The following PARD3B variants were observed in gnomAD, a reference collection of about 807,000 sequenced individuals.
PARD3B encodes the protein partitioning defective 3 homolog B.
PARD3B carries 103 observed loss-of-function variants against 130.2 expected under a neutral mutation model. The ratio of observed to expected loss-of-function variants is 0.79; its 90% confidence interval spans 0.67 to 0.93. PARD3B has a LOEUF of 0.93. Among genes scored for constraint, PARD3B ranks in the 40% least tolerant of loss-of-function variants. The probability of loss-of-function intolerance (pLI) is 0.00; values close to 1 mark genes in which losing one functional copy is unlikely to be tolerated. For synonymous variants in PARD3B, 583 were observed against 553.2 expected (o/e 1.05, Z -0.76); for missense variants, 1,609 against 1,499.2 (o/e 1.07, Z -1.21).
intron 20 of PARD3B, among the ~76,000 whole-genome samples, chr2:205,490,889 C>G (rs931246418): frequency 1.3e-5 from 2 of 152,160 alleles, no homozygotes; most frequent in Non-Finnish European, 2.9e-5. Context: ...TTTCATGTGT[C>G]TTTTGGCTGA....
At chr2:205,320,097 T>G (rs2042697377) in intron 18 of PARD3B, among the ~76,000 whole-genome samples, 1 of 148,554 alleles carries the variant, frequency 6.7e-6, no homozygotes, top group African/African-American at 2.5e-5. Context: ...ACCCGGGAGA[T>G]AGAGGTTACC....
rs550872340 is a variant in PARD3B at position 205,142,322 on chromosome 2, A to G, written c.1435-16400A>G. 4.6e-5 allele frequency among the ~76,000 whole-genome samples: 7 copies of G among 152,328 alleles called. No individual in the cohort carries two copies. Among genetic ancestry groups the G allele is most frequent in the African/African-American group, 1.4e-4 (6 of 41,586 alleles). ...TTAATTCCAGTTTCCTTTACTAAAC[A>G]TGATAAAAAGTTTAGGTGAGAGGTG... On this transcript the variant is annotated intron_variant, in intron 10 of 22. Coordinates refer to ENST00000406610, the MANE Select transcript of PARD3B (RefSeq NM_001302769.2). The surrounding 1 kb of genome is among the most constrained non-coding windows in gnomAD (Gnocchi z 4.3).
Position 204,582,228 on chromosome 2 carries a change from T to C in PARD3B, c.120+36109T>C, listed in dbSNP as rs375745116. Among the ~76,000 whole-genome samples, 24 of 152,302 alleles carry C rather than the reference T, an allele frequency of 1.6e-4. No individual in the cohort carries two copies. The East Asian group carries it at 4.2e-3, about 27-fold the overall frequency. On this transcript the variant is annotated intron_variant, in intron 1 of 22. Coordinates refer to ENST00000406610, the MANE Select transcript of PARD3B (RefSeq NM_001302769.2). ...TAAGGTTTCTTCTTGCCCTTATCTT[T>C]AGTGACTCCAAAGTTTAATTTTCAT...
chr2:205,386,067 A>G (rs550210882), intron 18 of PARD3B, among the ~76,000 whole-genome samples: 23 of 152,266 alleles, frequency 1.5e-4, no homozygotes, highest in Admixed American at 3.9e-4. Flanking sequence ...ATATTCTACA[A>G]ATTTCTTTTA....
rs755613554 is a variant in PARD3B at position 205,306,585 on chromosome 2, G to T, written c.2630+4884G>T. ...ACAGTGCTGGTTCTTCCCTTTTATTGTCCCATATATTCTGTATTTTCATGT... is the reference window on the plus strand; with the variant it reads ...ACAGTGCTGGTTCTTCCCTTTTATTTTCCCATATATTCTGTATTTTCATGT... On this transcript the variant is annotated intron_variant, in intron 18 of 22. Coordinates refer to ENST00000406610, the MANE Select transcript of PARD3B (RefSeq NM_001302769.2). Among the ~76,000 whole-genome samples the T allele has an allele frequency of 5.5e-4, 84 of 152,030 alleles. 1 individual carries two copies. The highest frequency in any genetic ancestry group is 3.3e-3 in the Admixed American group (51 of 15,262).
chr2:204,631,075 G>C (rs1015194121), intron 1 of PARD3B, among the ~76,000 whole-genome samples: 1 of 151,908 alleles, frequency 6.6e-6, no homozygotes, highest in Non-Finnish European at 1.5e-5. Flanking sequence ...GTAGTTTTTT[G>C]ATGTTGACAT....
intron 2 of PARD3B, among the ~76,000 whole-genome samples, chr2:204,866,956 C>T (rs1429647987): frequency 6.6e-6 from 1 of 151,996 alleles, no homozygotes; most frequent in Non-Finnish European, 1.5e-5. Context: ...GTAATCCCAA[C>T]TACTCAGGAG....
intron 16 of PARD3B, among the ~76,000 whole-genome samples, chr2:205,293,207 C>G (rs747607790): frequency 6.6e-6 from 1 of 152,064 alleles, no homozygotes; most frequent in Non-Finnish European, 1.5e-5. Flanking sequence ...TCCAAGAAAT[C>G]AATCAAACAT....
intron 3 of PARD3B, among the ~76,000 whole-genome samples, chr2:204,975,757 T>A (rs1692086966): frequency 6.6e-6 from 1 of 152,218 alleles, no homozygotes; most frequent in African/African-American, 2.4e-5. Flanking sequence ...AAAATACCAT[T>A]TTCCAGTTGA....
At chr2:205,052,251 T>C (rs893837754) in intron 4 of PARD3B, among the ~76,000 whole-genome samples, 3 of 151,816 alleles carry the variant, frequency 2.0e-5, no homozygotes, top group Non-Finnish European at 2.9e-5. Context: ...TTAAGGCAAA[T>C]TGATCCTGCA....
At chr2:204,922,909 C>T (rs529975170) in intron 2 of PARD3B, among the ~76,000 whole-genome samples, 6 of 152,056 alleles carry the variant, frequency 3.9e-5, no homozygotes, top group Non-Finnish European at 5.9e-5. Flanking sequence ...AGTTCATAAA[C>T]GATATAACAT....
chr2:205,151,597 G>C (rs951995102), intron 10 of PARD3B, among the ~76,000 whole-genome samples: 3 of 151,734 alleles, frequency 2.0e-5, no homozygotes, highest in African/African-American at 4.8e-5. Context: ...CTGCTTTTTT[G>C]TTTGTTTGTT....
chr2:204,871,013 A>G (rs1025975519), intron 2 of PARD3B, among the ~76,000 whole-genome samples: 10 of 152,056 alleles, frequency 6.6e-5, no homozygotes, highest in African/African-American at 2.2e-4. Flanking sequence ...CCAAACTGCA[A>G]CTCCTTATGT....
At chr2:205,483,715 G>C (rs1559136392) in intron 20 of PARD3B, among the ~76,000 whole-genome samples, 2 of 151,918 alleles carry the variant, frequency 1.3e-5, no homozygotes, top group South Asian at 4.2e-4. Flanking sequence ...AGCTCTCTTA[G>C]ATATACAATA....
At chr2:205,192,144 G>C (rs917564407) in intron 14 of PARD3B, among the ~76,000 whole-genome samples, 3 of 152,160 alleles carry the variant, frequency 2.0e-5, no homozygotes, top group African/African-American at 7.2e-5. Flanking sequence ...AATATGGAGG[G>C]ATGATGAGTT....
intron 2 of PARD3B, among the ~76,000 whole-genome samples, chr2:204,926,138 G>A (rs1255552654): frequency 6.6e-6 from 1 of 152,020 alleles, no homozygotes; most frequent in Non-Finnish European, 1.5e-5. Flanking sequence ...TAGCAACTTT[G>A]GCTTTGGTAG....
intron 1 of PARD3B, among the ~76,000 whole-genome samples, chr2:204,583,338 A>T (rs1559169000): frequency 1.9e-5 from 2 of 105,232 alleles, no homozygotes; most frequent in Non-Finnish European, 3.8e-5. Context: ...ACATGGATGA[A>T]ATTGGAAACC....
At chr2:205,159,553 G>A (rs981901502) in intron 11 of PARD3B, among the ~76,000 whole-genome samples, 4 of 152,190 alleles carry the variant, frequency 2.6e-5, no homozygotes, top group Admixed American at 6.5e-5. Context: ...TGGAAATGTA[G>A]GCAAGGGTCT....
At chr2:205,371,649 T>A (rs764164433) in intron 18 of PARD3B, among the ~76,000 whole-genome samples, 20 of 152,186 alleles carry the variant, frequency 1.3e-4, no homozygotes, top group South Asian at 2.1e-4. Context: ...GATGATATCA[T>A]CATCTCAAAA....
Sources: allele counts gnomAD v4.1 joint callset (sites outside exome capture counted in the v4.1 genomes callset), GRCh38; gene constraint gnomAD v4.1.1; non-coding constraint Gnocchi (gnomAD v3.1); transcripts MANE v1.5; gene names NCBI Gene and HGNC (gene_info 2026-07-23, HGNC 2026-07-21).